Variants in SCN4A observed in about 807,000 individuals in gnomAD.
The protein encoded by SCN4A is sodium voltage-gated channel alpha subunit 4.
SCN4A carries 83 observed loss-of-function variants against 162.0 expected under a neutral mutation model. The observed-to-expected ratio is 0.51, with a 90% confidence interval of 0.43 to 0.61. The LOEUF (loss-of-function observed/expected upper bound fraction) is 0.61. Ranked by LOEUF, SCN4A falls within the 20% of genes least tolerant of loss-of-function variation. SCN4A has a pLI of 0.00. For synonymous variants in SCN4A, 944 were observed against 985.1 expected (o/e 0.96, Z 0.78); for missense variants, 2,196 against 2,462.5 (o/e 0.89, Z 2.29).
rs909468280 is a variant in SCN4A, at chr17:63,950,382, A to G, written c.2854-854T>C. ...GTTGCTTGCCCCGATTGTGCACTCA[A>G]CTCCCTAAATCTCCCTTGGAGTTGT... On this transcript the variant is annotated intron_variant, in intron 14 of 23. Coordinates refer to ENST00000435607, the MANE Select transcript of SCN4A (RefSeq NM_000334.4). The surrounding 1 kb of genome is among the most constrained non-coding windows in gnomAD (Gnocchi z 4.6). Among the ~76,000 whole-genome samples, 1 of 151,822 alleles carries G rather than the reference A, an allele frequency of 6.6e-6. No individual in the cohort carries two copies. Among genetic ancestry groups the G allele is most frequent in the East Asian group, 1.9e-4 (1 of 5,166 alleles).
chr17:63,962,489 G>T (rs561180144), intron 10 of SCN4A, among the ~76,000 whole-genome samples: 4 of 152,300 alleles, frequency 2.6e-5, no homozygotes, highest in Admixed American at 1.3e-4. Context: ...GGGCACGGTG[G>T]GGACACATTC....
At chr17:63,971,371 G>A in intron 4 of SCN4A, 118 bp from the exon 5 acceptor site, 1 of 689,016 alleles carries the variant, frequency 1.5e-6, no homozygotes, top group Non-Finnish European at 2.6e-6. Flanking sequence ...GGTACCACAG[G>A]GTCTGGGGGG....
chr17:63,953,297 T>C (rs1412105081), intron 13 of SCN4A, among the ~76,000 whole-genome samples: 1 of 146,700 alleles, frequency 6.8e-6, no homozygotes, highest in African/African-American at 2.5e-5. Flanking sequence ...GAGGTGGAGG[T>C]TGCAGTGAGT....
rs771161421 is a variant in SCN4A at position 63,968,027 on chromosome 17, A to G, written c.1032T>C (p.Asp344=). The G allele has an allele frequency of 3.1e-6, 5 of 1,613,048 alleles. No individual in the cohort carries two copies. In the South Asian group the frequency reaches 3.3e-5, roughly 11 times the overall value. ...CGTCACCCTCCCCATTCTTACCTTC[A>G]TCACTGATGTAGGCGTCCCAATCAA... The part of the protein sequence containing the change: ...DTFDWDAYIS[D]EGNFYFLEGS... Residue 344 remains aspartate (D), a synonymous_variant, in exon 6 of 24, where the codon GAT becomes GAC. Coordinates refer to ENST00000435607, the MANE Select transcript of SCN4A (RefSeq NM_000334.4).
intron 5 of SCN4A, 147 bp from the exon 6 acceptor site, chr17:63,968,502 T>A: frequency 1.6e-6 from 1 of 641,864 alleles, no homozygotes; most frequent in Non-Finnish European, 2.7e-6. Flanking sequence ...CCTTCTGAAA[T>A]TAACTCCACC....
rs1292251423 is a variant in SCN4A at position 63,945,013 on chromosome 17, G to C, written c.3768C>G (p.Ser1256=). 6.2e-7 allele frequency: 1 copy of C among 1,613,790 alleles called. No homozygotes were observed. The highest frequency in any genetic ancestry group is 8.5e-7 in the Non-Finnish European group (1 of 1,179,794). ...WMDIMYAAVD[S]REKEEQPQYE... Reference sequence around the variant, plus strand: ...CTCAGCGACCCCGACTCACCTCCCGGGAGTCCACGGCTGCATACATGATGT... The same window carrying C: ...CTCAGCGACCCCGACTCACCTCCCGCGAGTCCACGGCTGCATACATGATGT... The change falls in exon 20 of 24, where the codon TCC becomes TCG. Residue 1256 remains serine, a synonymous_variant. Transcript: ENST00000435607. The surrounding 1 kb of genome is among the most constrained non-coding windows in gnomAD (Gnocchi z 4.4).
intron 13 of SCN4A, among the ~76,000 whole-genome samples, chr17:63,956,798 C>T (rs1448713207): frequency 2.6e-5 from 4 of 152,248 alleles, no homozygotes; most frequent in Admixed American, 2.6e-4. Flanking sequence ...GTCTGTCTGA[C>T]TCATTATCAT....
rs1909629168 is a variant in SCN4A, at chr17:63,972,145, T to C, written c.473A>G (p.Lys158Arg). 6.2e-7 allele frequency: 1 copy of C among 1,612,232 alleles called. No individual in the cohort carries two copies. The highest frequency in any genetic ancestry group is 1.1e-5 in the South Asian group (1 of 90,760). Residue 158 changes from lysine to arginine, a missense_variant, in exon 3 of 24, where the codon AAG becomes AGG. Lys to Arg is a conservative substitution (Grantham distance 26). Transcript: ENST00000435607. The surrounding 1 kb of genome is among the most constrained non-coding windows in gnomAD (Gnocchi z 4.3). ...GAGCAGGGAGACTTACTCCACATTC[T>C]TGGACCAGGGAGGCGGGTCACTCAT... The part of the protein sequence containing the change: ...MTMSDPPPWS[K>R]NVEYTFTGIY...
rs111858905 is a variant in SCN4A, at chr17:63,951,632, G to T, written c.2645C>A (p.Pro882Gln). ...GTCCTTCTTCAGGTCCTCCTCGGGC[G>T]GCTCCTTCTTCTCATCCTCGGGGGC... The part of the protein sequence containing the change: ...ETAPEDEKKE[P>Q]PEEDLKKDNH... The change falls in exon 14 of 24, where the codon CCG becomes CAG. Residue 882 changes from proline to glutamine, a missense_variant. Transcript: ENST00000435607. This position sits in a 1 kb window ranked among gnomAD's most constrained non-coding sequence, Gnocchi z 4.5. The T allele has an allele frequency of 6.7e-4, 1,086 of 1,612,446 alleles. 9 individuals carry two copies. In the African/African-American group the frequency reaches 0.013, roughly 19 times the overall value.
chr17:63,972,270 G>C lies in SCN4A; in HGVS notation c.393-45C>G. ...AGTGAGGAAGCAGCTAGGATGGGAG[G>C]TGATAGAGGGTCTCCTGGGCCACAG... On this transcript the variant is annotated intron_variant, in intron 2 of 23. Transcript: ENST00000435607. This position sits in a 1 kb window ranked among gnomAD's most constrained non-coding sequence, Gnocchi z 4.3. 6.3e-7 allele frequency: 1 copy of C among 1,590,952 alleles called. No homozygotes were observed.
At position 63,941,750 on chromosome 17, in the gene SCN4A, G is replaced by A. The variant is rs377548921; in HGVS notation, c.4532C>T (p.Ser1511Leu). The A allele has an allele frequency of 4.3e-6, 7 of 1,613,996 alleles. No homozygotes were observed. The highest frequency in any genetic ancestry group is 1.6e-4 in the Middle Eastern group (1 of 6,084). The change falls in exon 24 of 24, where the codon TCG becomes TTG. Residue 1511 changes from serine to leucine, a missense_variant. Transcript: ENST00000435607. The surrounding 1 kb of genome is among the most constrained non-coding windows in gnomAD (Gnocchi z 6.2). ...GAAGTTGAACATATCATCGATGCCC[G>A]ACTCCTTCTTGACGTAGGCAAAGTT... Reference protein sequence around the residue: ...MSNFAYVKKESGIDDMFNFET... With the variant: ...MSNFAYVKKELGIDDMFNFET...
Position 63,941,692 on chromosome 17 carries a change from G to A in SCN4A, c.4590C>T (p.Phe1530=), listed in dbSNP as rs199824534. ...ETFGNSIICL[F]EITTSAGWDG... is the part of the protein sequence containing the mutation. Reference sequence around the variant, plus strand: ...CCCAGCCGGCCGACGTGGTGATCTCGAACAGGCAGATGATGCTGTTGCCGA... The same window carrying A: ...CCCAGCCGGCCGACGTGGTGATCTCAAACAGGCAGATGATGCTGTTGCCGA... The change falls in exon 24 of 24, where the codon TTC becomes TTT. Residue 1530 remains phenylalanine (F), a synonymous_variant. Coordinates refer to ENST00000435607, the MANE Select transcript of SCN4A (RefSeq NM_000334.4). This position sits in a 1 kb window ranked among gnomAD's most constrained non-coding sequence, Gnocchi z 6.2. 18 of 1,614,124 alleles carry A rather than the reference G, an allele frequency of 1.1e-5. No homozygotes were observed. Among genetic ancestry groups the A allele is most frequent in the East Asian group, 6.7e-5 (3 of 44,864 alleles).
intron 5 of SCN4A, 117 bp from the exon 6 acceptor site, chr17:63,968,472 G>T (rs1909524227): frequency 2.7e-6 from 2 of 749,480 alleles, no homozygotes; most frequent in Non-Finnish European, 4.4e-6. Flanking sequence ...GACTTACTGA[G>T]CACCACTACT....
chr17:63,970,107 C>T (rs148604560), intron 5 of SCN4A, among the ~76,000 whole-genome samples: 1 of 152,142 alleles, frequency 6.6e-6, no homozygotes, highest in Admixed American at 6.5e-5. Context: ...CTTGTTGATG[C>T]ATTACTTTGG....
rs1908868457 is a variant in SCN4A, at chr17:63,950,361, C to T, written c.2854-833G>A. Among the ~76,000 whole-genome samples the T allele has an allele frequency of 6.6e-6, 1 of 152,166 alleles. No individual in the cohort carries two copies. Among genetic ancestry groups the T allele is most frequent in the Non-Finnish European group, 1.5e-5 (1 of 68,030 alleles). ...GTCAGCCAGGGCATCCACTGAGTTGCTTGCCCCGATTGTGCACTCAACTCC... is the reference window on the plus strand; with the variant it reads ...GTCAGCCAGGGCATCCACTGAGTTGTTTGCCCCGATTGTGCACTCAACTCC... On this transcript the variant is annotated intron_variant, in intron 14 of 23. Coordinates refer to ENST00000435607, the MANE Select transcript of SCN4A (RefSeq NM_000334.4). This position sits in a 1 kb window ranked among gnomAD's most constrained non-coding sequence, Gnocchi z 4.6.
rs769263382 is a variant in SCN4A at position 63,972,632 on chromosome 17, G to T, written c.210C>A (p.Asp70Glu). 3 of 1,610,022 alleles carry T rather than the reference G, an allele frequency of 1.9e-6. No individual in the cohort carries two copies. The highest frequency in any genetic ancestry group is 2.2e-5 in the South Asian group (2 of 90,352). The change falls in exon 1 of 24, where the codon GAC becomes GAA. Residue 70 changes from aspartate (D) to glutamate (E), a missense_variant. Asp to Glu is a conservative substitution (Grantham distance 45). Coordinates refer to ENST00000435607, the MANE Select transcript of SCN4A (RefSeq NM_000334.4). This position sits in a 1 kb window ranked among gnomAD's most constrained non-coding sequence, Gnocchi z 4.3. ...GGATGCCGATGACCTCCGGCGGGGG[G>T]TCTCCGTAGATCATGGGTAGGTTCT... Reference protein sequence around the residue: ...AGKNLPMIYGDPPPEVIGIPL... With the variant: ...AGKNLPMIYGEPPPEVIGIPL...
At chr17:63,948,476 G>T in intron 16 of SCN4A, 135 bp downstream of exon 16, 1 of 713,802 alleles carries the variant, frequency 1.4e-6, no homozygotes, top group Non-Finnish European at 2.3e-6. Context: ...GAGGCACAGC[G>T]AGTTCCTTTA....
chr17:63,953,395 A>G (rs1371295332), intron 13 of SCN4A, among the ~76,000 whole-genome samples: 1 of 152,036 alleles, frequency 6.6e-6, no homozygotes, highest in Non-Finnish European at 1.5e-5. Flanking sequence ...AAAACAAACA[A>G]AAAACCCATC....
Position 63,950,274 on chromosome 17 carries a change from G to GGCC in SCN4A, c.2854-749_2854-747dup, listed in dbSNP as rs1908865650. 6.6e-6 allele frequency among the ~76,000 whole-genome samples: 1 copy of GGCC among 152,182 alleles called. No homozygotes were observed. Among genetic ancestry groups the GGCC allele is most frequent in the Non-Finnish European group, 1.5e-5 (1 of 68,010 alleles). On this transcript the variant is annotated intron_variant, in intron 14 of 23. Transcript: ENST00000435607. The surrounding 1 kb of genome is among the most constrained non-coding windows in gnomAD (Gnocchi z 4.6). ...AGAGTGGTGACCAGAAAACCACCAT[G>GGCC]GCCGGGGTGGGGGTCCTTGTTTTCA... is the stretch of plus-strand genomic sequence containing the variant.
Sources: gnomAD v4.1 joint callset for allele counts (sites outside exome capture counted in the v4.1 genomes callset) on GRCh38, gnomAD v4.1.1 for gene constraint, Gnocchi (gnomAD v3.1) non-coding constraint, MANE v1.5 for transcripts, NCBI Gene and HGNC (gene_info 2026-07-23, HGNC 2026-07-21) for gene names.